Variants in RBFOX1 observed in about 807,000 individuals in gnomAD.
RBFOX1 encodes RNA binding protein fox-1 homolog 1.
Under a neutral mutation model 57.7 loss-of-function variants are expected in RBFOX1, and 8 were observed. The ratio of observed to expected loss-of-function variants is 0.14; its 90% CI spans 0.08 to 0.25. The LOEUF (loss-of-function observed/expected upper bound fraction) is 0.25. Ranked by LOEUF, RBFOX1 falls within the 10% of genes least tolerant of loss-of-function variation. The probability of loss-of-function intolerance (pLI) is 1.00; values close to 1 mark genes in which losing one functional copy is unlikely to be tolerated. For missense variants in RBFOX1, 611 were observed against 548.5 expected, an observed-to-expected ratio of 1.11 and a Z score of -1.14; for synonymous variants, 326 against 222.4, an observed-to-expected ratio of 1.47 and a Z score of -4.15.
chr16:6,652,997 CT>C, intron 2 of RBFOX1, among the ~76,000 whole-genome samples: 1 of 152,152 alleles, frequency 6.6e-6, no homozygotes, highest in East Asian at 1.9e-4. Context: ...TCTCATTCCC[CT>C]TTATTTTCCT....
chr16:6,347,418 A>C (rs41112), intron 2 of RBFOX1, among the ~76,000 whole-genome samples: 33,439 of 152,014 alleles, frequency 0.22, 4,020 homozygotes, highest in Middle Eastern at 0.33. Context: ...CTTATAATCT[A>C]CCCGTGAAGG....
intron 2 of RBFOX1, among the ~76,000 whole-genome samples, chr16:6,369,043 T>C (rs1351418430): frequency 6.6e-6 from 1 of 152,174 alleles, no homozygotes; most frequent in South Asian, 2.1e-4. Context: ...TGGAAAATAA[T>C]GTGAAACAAA....
intron 4 of RBFOX1, among the ~76,000 whole-genome samples, chr16:7,415,786 GTA>G (rs34254186): frequency 0.41 from 62,324 of 151,542 alleles, 18,380 homozygotes; most frequent in African/African-American, 0.82. Context: ...GAAAATAAGA[GTA>G]TATATATATC....
At chr16:7,367,042 C>G (rs2097464365) in intron 4 of RBFOX1, among the ~76,000 whole-genome samples, 1 of 152,054 alleles carries the variant, frequency 6.6e-6, no homozygotes, top group African/African-American at 2.4e-5. Flanking sequence ...TTGATTCCCT[C>G]CCCCAAACCC....
At chr16:7,250,950 T>A (rs1382125867) in intron 4 of RBFOX1, among the ~76,000 whole-genome samples, 3 of 152,208 alleles carry the variant, frequency 2.0e-5, no homozygotes, top group Non-Finnish European at 4.4e-5. Context: ...AATATGTATA[T>A]ATTGTGGAAT....
At chr16:5,841,041 C>T (rs946017264) in intron 3 of RBFOX1, among the ~76,000 whole-genome samples, 52 of 152,158 alleles carry the variant, frequency 3.4e-4, no homozygotes, top group Non-Finnish European at 1.2e-4. Context: ...ACGTCTCAGG[C>T]AGGTTAGCAA....
At chr16:7,454,236 C>T (rs933004093) in intron 4 of RBFOX1, among the ~76,000 whole-genome samples, 2 of 152,066 alleles carry the variant, frequency 1.3e-5, no homozygotes, top group Admixed American at 1.3e-4. Flanking sequence ...CCGTCCCCCA[C>T]CAACCCCCCC....
intron 3 of RBFOX1, among the ~76,000 whole-genome samples, chr16:6,917,387 A>G (rs1323216791): frequency 6.6e-6 from 1 of 152,168 alleles, no homozygotes; most frequent in African/African-American, 2.4e-5. Context: ...TCTGAACTTG[A>G]GTGTAGCTCT....
At chr16:7,636,991 C>A (rs531483206) in intron 11 of RBFOX1, among the ~76,000 whole-genome samples, 134 of 152,246 alleles carry the variant, frequency 8.8e-4, no homozygotes, top group African/African-American at 3.1e-3. Flanking sequence ...TTGGGGGTTA[C>A]GGCTTCCACA....
At chr16:6,494,779 G>A (rs538611011) in intron 2 of RBFOX1, among the ~76,000 whole-genome samples, 34 of 152,262 alleles carry the variant, frequency 2.2e-4, no homozygotes, top group Admixed American at 3.9e-4. Context: ...TGCCAGTTGC[G>A]TACAAACTGA....
chr16:5,615,972 G>A (rs574933275), intron 3 of RBFOX1, among the ~76,000 whole-genome samples: 4 of 152,282 alleles, frequency 2.6e-5, no homozygotes, highest in African/African-American at 9.6e-5. Flanking sequence ...GCTGAGAGGC[G>A]TCTCCAGGAA....
Position 6,154,737 on chromosome 16 carries a change from G to A in RBFOX1, c.-127+134745G>A, listed in dbSNP as rs1304091829. The stretch of plus-strand genomic sequence containing the variant: ...AAAATATTAGTTAATGAATGTTTTA[G>A]GAAATTTGCAATGTCTGGAAGGTAA... On this transcript the variant is annotated intron_variant, in intron 1 of 15. Transcript: ENST00000550418. Among the ~76,000 whole-genome samples, 4 of 152,152 alleles carry A rather than the reference G, an allele frequency of 2.6e-5. No homozygotes were observed. In the South Asian group the frequency reaches 8.3e-4, roughly 32 times the overall value.
chr16:6,161,435 TACTC>T (rs1398018962), intron 1 of RBFOX1, among the ~76,000 whole-genome samples: 1 of 151,628 alleles, frequency 6.6e-6, no homozygotes, highest in Admixed American at 6.6e-5. Flanking sequence ...TAAATTATCT[TACTC>T]TCTCTCCATC....
chr16:6,619,865 C>A (rs577181508), intron 2 of RBFOX1, among the ~76,000 whole-genome samples: 1 of 152,104 alleles, frequency 6.6e-6, no homozygotes, highest in Non-Finnish European at 1.5e-5. Flanking sequence ...CTCCCACCCT[C>A]CACCCTACAA....
intron 4 of RBFOX1, among the ~76,000 whole-genome samples, chr16:5,943,167 C>G (rs896086346): frequency 6.6e-6 from 1 of 152,180 alleles, no homozygotes; most frequent in East Asian, 1.9e-4. Context: ...CTCCATATGC[C>G]CAAGCCAGTG....
At chr16:6,732,676 C>T (rs2345489) in intron 3 of RBFOX1, among the ~76,000 whole-genome samples, 137,912 of 152,246 alleles carry the variant, frequency 0.91, 64,088 homozygotes, top group East Asian at 1. Context: ...TTAGCATTTA[C>T]ATAGTATGTT....
chr16:6,468,503 C>T (rs1004778191), intron 2 of RBFOX1, among the ~76,000 whole-genome samples: 3 of 152,156 alleles, frequency 2.0e-5, no homozygotes, highest in African/African-American at 4.8e-5. Flanking sequence ...ATGAGTGATG[C>T]ATCATTGTCA....
At chr16:5,885,582 G>A (rs541596192) in intron 4 of RBFOX1, among the ~76,000 whole-genome samples, 1 of 152,242 alleles carries the variant, frequency 6.6e-6, no homozygotes, top group South Asian at 2.1e-4. Flanking sequence ...GTTTGGGACA[G>A]GGCTAATGGT....
chr16:6,675,104 C>T (rs2057401293), intron 3 of RBFOX1, among the ~76,000 whole-genome samples: 1 of 151,958 alleles, frequency 6.6e-6, no homozygotes, highest in Non-Finnish European at 1.5e-5. Flanking sequence ...TGGGGTTTCA[C>T]CATGTTGGCC....
Sources: gnomAD v4.1 joint callset for allele counts (sites outside exome capture counted in the v4.1 genomes callset) on GRCh38, gnomAD v4.1.1 for gene constraint, MANE v1.5 for transcripts, NCBI Gene and HGNC (gene_info 2026-07-23, HGNC 2026-07-21) for gene names.